Variants in FAM135A observed in about 807,000 individuals in gnomAD.
FAM135A encodes the protein family with sequence similarity 135 member A.
Under a neutral mutation model 146.8 loss-of-function variants are expected in FAM135A, and 79 were observed. The observed-to-expected ratio is 0.54, with a 90% CI of 0.45 to 0.65. FAM135A has a LOEUF of 0.65. Among genes scored for constraint, FAM135A ranks in the 30% least tolerant of loss-of-function variants. The pLI is 0.00. For missense variants in FAM135A, 1,623 were observed against 1,758.2 expected (o/e 0.92, Z 1.38); for synonymous variants, 562 against 603.6 (o/e 0.93, Z 1.01).
At chr6:70,531,877 T>A (rs1027742091) in intron 16 of FAM135A, among the ~76,000 whole-genome samples, 1 of 150,094 alleles carries the variant, frequency 6.7e-6, no homozygotes, top group Non-Finnish European at 1.5e-5. Context: ...GGTTTCTTTT[T>A]AAACTGATTT....
intron 21 of FAM135A, among the ~76,000 whole-genome samples, 169 bp from the exon 22 acceptor site, chr6:70,559,547 C>A (rs1801566951): frequency 6.6e-6 from 1 of 151,770 alleles, no homozygotes; most frequent in Admixed American, 6.6e-5. Flanking sequence ...ATAAACAGAA[C>A]CAAAAATGAT....
chr6:70,456,824 AT>A (rs1778458963), intron 5 of FAM135A, among the ~76,000 whole-genome samples: 2 of 152,194 alleles, frequency 1.3e-5, no homozygotes, highest in Admixed American at 6.5e-5. Flanking sequence ...TTGTGAAAAG[AT>A]TTAACAGTAA....
intron 5 of FAM135A, among the ~76,000 whole-genome samples, chr6:70,466,584 G>T (rs1291002611): frequency 6.6e-6 from 1 of 152,192 alleles, no homozygotes; most frequent in Admixed American, 6.5e-5. Flanking sequence ...AGAGTGAATT[G>T]TGTAAAACAG....
In FAM135A at chr6:70,525,675, A is replaced by T. The variant is rs1338120163; in HGVS notation, c.2591A>T (p.His864Leu). 2 of 1,612,586 alleles carry T rather than the reference A, an allele frequency of 1.2e-6. No homozygotes were observed. Among genetic ancestry groups the T allele is most frequent in the South Asian group, 2.2e-5 (2 of 90,780 alleles). ...AAGAAATCTGTTGTACCTGAATGCCATCTAAATGATAGCAAAACTGTATTA... is the reference window on the plus strand; with the variant it reads ...AAGAAATCTGTTGTACCTGAATGCCTTCTAAATGATAGCAAAACTGTATTA... ...NSKKSVVPEC[H>L]LNDSKTVLNL... is the part of the protein sequence containing the mutation. Residue 864 changes from histidine to leucine, a missense_variant, in exon 15 of 22, where the codon CAT becomes CTT. Physicochemically the swap from His to Leu is moderately conservative, Grantham distance 99. Transcript: ENST00000418814.
chr6:70,519,340 GACTCT>G (rs1793024789), intron 12 of FAM135A, among the ~76,000 whole-genome samples: 1 of 152,198 alleles, frequency 6.6e-6, no homozygotes, highest in African/African-American at 2.4e-5. Flanking sequence ...TCTTGAGATA[GACTCT>G]ACTCCTGGTG....
intron 5 of FAM135A, among the ~76,000 whole-genome samples, chr6:70,461,869 A>G (rs1228900033): frequency 1.3e-5 from 2 of 152,204 alleles, no homozygotes; most frequent in Non-Finnish European, 2.9e-5. Context: ...TTCTTTCCTT[A>G]TCAGTGTAAT....
chr6:70,415,867 C>T (rs772699806), intron 2 of FAM135A, among the ~76,000 whole-genome samples: 84 of 152,114 alleles, frequency 5.5e-4, no homozygotes, highest in South Asian at 1.0e-3. Flanking sequence ...ATCTCAGTAT[C>T]TCCAGCTGTA....
intron 19 of FAM135A, among the ~76,000 whole-genome samples, chr6:70,537,534 A>C (rs1357395522): frequency 2.0e-5 from 3 of 152,162 alleles, no homozygotes; most frequent in African/African-American, 7.2e-5. Flanking sequence ...ATAGAACCCA[A>C]CATGAATCGA....
intron 11 of FAM135A, among the ~76,000 whole-genome samples, chr6:70,495,384 G>A (rs1582540063): frequency 1.3e-5 from 2 of 152,062 alleles, no homozygotes; most frequent in South Asian, 4.1e-4. Flanking sequence ...CTATGTACCA[G>A]TAATTAGAGT....
chr6:70,459,435 T>G (rs1243187782), intron 5 of FAM135A, among the ~76,000 whole-genome samples: 1 of 152,202 alleles, frequency 6.6e-6, no homozygotes, highest in Non-Finnish European at 1.5e-5. Context: ...TCAGGAAATA[T>G]CTGTCATCTG....
chr6:70,555,450 A>G (rs1800648078), intron 20 of FAM135A, among the ~76,000 whole-genome samples: 1 of 151,648 alleles, frequency 6.6e-6, no homozygotes, highest in African/African-American at 2.4e-5. Context: ...ACAGGATCTC[A>G]CTTCGTTGCC....
intron 16 of FAM135A, among the ~76,000 whole-genome samples, chr6:70,532,794 T>G (rs543401940): frequency 6.6e-6 from 1 of 152,298 alleles, no homozygotes; most frequent in African/African-American, 2.4e-5. Flanking sequence ...TAGCTGGGCA[T>G]GGTGGGATGC....
chr6:70,557,113 C>T, intron 21 of FAM135A: 1 of 552,818 alleles, frequency 1.8e-6, no homozygotes, highest in South Asian at 2.6e-5. Context: ...GTAGTTCATA[C>T]TTTGATTTCC....
chr6:70,417,307 G>A lies in FAM135A; in HGVS notation c.-134+1931G>A, dbSNP rs147350248. Reference sequence around the variant, plus strand: ...TCCCACTGTATTGCCTCTACCTCCCGGATTCAAGCGATTCATGTGCCTCAG... The same window carrying A: ...TCCCACTGTATTGCCTCTACCTCCCAGATTCAAGCGATTCATGTGCCTCAG... On this transcript the variant is annotated intron_variant, in intron 2 of 21. Coordinates refer to ENST00000418814, the MANE Select transcript of FAM135A (RefSeq NM_001162529.3). Among the ~76,000 whole-genome samples the A allele has an allele frequency of 5.7e-3, 846 of 149,144 alleles. 3 individuals carry two copies. Among genetic ancestry groups the A allele is most frequent in the Non-Finnish European group, 8.2e-3 (554 of 67,574 alleles).
chr6:70,447,322 C>T (rs563985896), intron 4 of FAM135A, among the ~76,000 whole-genome samples: 1 of 152,338 alleles, frequency 6.6e-6, no homozygotes, highest in South Asian at 2.1e-4. Context: ...AGGAGCTGTG[C>T]TATTCGCTCT....
intron 4 of FAM135A, 144 bp from the exon 5 acceptor site, chr6:70,452,348 T>C (rs1304573968): frequency 1.6e-6 from 1 of 614,924 alleles, no homozygotes; most frequent in African/African-American, 1.9e-5. Flanking sequence ...CCTGATTTTT[T>C]TTTTCCAACA....
intron 7 of FAM135A, among the ~76,000 whole-genome samples, chr6:70,476,597 A>G (rs1452855779): frequency 6.6e-6 from 1 of 152,070 alleles, no homozygotes; most frequent in Non-Finnish European, 1.5e-5. Context: ...GGATGGATGG[A>G]ATTTTTTTAA....
At chr6:70,516,536 T>C (rs902443102) in intron 12 of FAM135A, among the ~76,000 whole-genome samples, 7 of 137,286 alleles carry the variant, frequency 5.1e-5, no homozygotes, top group Admixed American at 1.4e-4. Context: ...TTTTCTTTTT[T>C]TTTTTTTTTT....
chr6:70,537,055 C>A (rs749915288), intron 19 of FAM135A, among the ~76,000 whole-genome samples: 86 of 151,754 alleles, frequency 5.7e-4, no homozygotes, highest in Non-Finnish European at 1.1e-3. Context: ...CCTGCCTCAG[C>A]CTCCGGAGTA....
Sources: gnomAD v4.1 joint callset for allele counts (sites outside exome capture counted in the v4.1 genomes callset) on GRCh38, gnomAD v4.1.1 for gene constraint, MANE v1.5 for transcripts, NCBI Gene and HGNC (gene_info 2026-07-23, HGNC 2026-07-21) for gene names.